The following DLGAP1 variants were observed in gnomAD, a reference collection of about 807,000 sequenced individuals.
DLGAP1 encodes disks large-associated protein 1.
A neutral mutation model predicts 90.8 loss-of-function variants in DLGAP1; 11 were observed. The observed-to-expected ratio is 0.12, with a 90% CI of 0.08 to 0.20. DLGAP1 has a LOEUF of 0.20. Ranked by LOEUF, DLGAP1 falls within the 10% of genes least tolerant of loss-of-function variation. The probability of loss-of-function intolerance (pLI) is 1.00; values close to 1 mark genes in which losing one functional copy is unlikely to be tolerated. For synonymous variants in DLGAP1, 558 were observed against 540.7 expected (o/e 1.03, Z -0.44); for missense variants, 1,050 against 1,333.8 (o/e 0.79, Z 3.31).
chr18:4,189,702 A>G (rs991285080), intron 1 of DLGAP1, among the ~76,000 whole-genome samples: 2 of 152,146 alleles, frequency 1.3e-5, no homozygotes, highest in African/African-American at 4.8e-5. Flanking sequence ...ACACTATCCG[A>G]CTAAAAACGT....
intron 1 of DLGAP1, among the ~76,000 whole-genome samples, chr18:4,228,183 T>G (rs1304787099): frequency 6.6e-6 from 1 of 151,332 alleles, no homozygotes; most frequent in Non-Finnish European, 1.5e-5. Flanking sequence ...AATGGACAAA[T>G]AAGAAGTAAC....
intron 1 of DLGAP1, among the ~76,000 whole-genome samples, chr18:4,225,362 C>T (rs2078163304): frequency 6.6e-6 from 1 of 151,982 alleles, no homozygotes; most frequent in Admixed American, 6.6e-5. Context: ...GTGAAAACTA[C>T]CATAAATACC....
intron 12 of DLGAP1, among the ~76,000 whole-genome samples, chr18:3,500,416 C>T (rs1231268857): frequency 6.6e-6 from 1 of 152,114 alleles, no homozygotes; most frequent in African/African-American, 2.4e-5. Flanking sequence ...TAAAATGAAG[C>T]GTGAACATTA....
chr18:3,989,716 ATT>A (rs2073922061), intron 3 of DLGAP1, among the ~76,000 whole-genome samples: 2 of 152,146 alleles, frequency 1.3e-5, no homozygotes, highest in Non-Finnish European at 2.9e-5. Context: ...ATGGGAGAAA[ATT>A]TTTTAACCTA....
chr18:4,381,109 A>G lies in DLGAP1; in HGVS notation c.-267+73897T>C, dbSNP rs2082106871. ...AACACTATATATTTTATAGTTAACG[A>G]TTCAAAATGGTTGAAATAGAGATGA... On this transcript the variant is annotated intron_variant, in intron 1 of 12. Coordinates refer to ENST00000315677, the MANE Select transcript of DLGAP1 (RefSeq NM_004746.4). Among the ~76,000 whole-genome samples, 5 of 152,310 alleles carry G rather than the reference A, an allele frequency of 3.3e-5. No individual in the cohort carries two copies. In the South Asian group the frequency reaches 6.2e-4, roughly 19 times the overall value.
At position 4,382,292 on chromosome 18, in the gene DLGAP1, T is replaced by C. The variant is rs1033209715; in HGVS notation, c.-267+72714A>G. Among the ~76,000 whole-genome samples, 5 of 152,306 alleles carry C rather than the reference T, an allele frequency of 3.3e-5. No homozygotes were observed. In the East Asian group the frequency reaches 9.6e-4, roughly 29 times the overall value. On this transcript the variant is annotated intron_variant, in intron 1 of 12. Coordinates refer to ENST00000315677, the MANE Select transcript of DLGAP1 (RefSeq NM_004746.4). Reference sequence around the variant, plus strand: ...AATTTCTTCATATATATAACGAGGATAATTGTAAGAGTTACCTTGCAGCAT... The same window carrying C: ...AATTTCTTCATATATATAACGAGGACAATTGTAAGAGTTACCTTGCAGCAT...
chr18:3,791,847 G>A (rs1043216509), intron 5 of DLGAP1, among the ~76,000 whole-genome samples: 6 of 152,144 alleles, frequency 3.9e-5, no homozygotes, highest in African/African-American at 1.4e-4. Context: ...AGGAGGTTGA[G>A]GCTGCAGTGA....
intron 9 of DLGAP1, among the ~76,000 whole-genome samples, chr18:3,553,986 G>T (rs1415861612): frequency 6.6e-6 from 1 of 152,128 alleles, no homozygotes; most frequent in Admixed American, 6.5e-5. Context: ...TGGAGTCTTA[G>T]AGTCACTAAT....
chr18:4,275,333 A>C (rs2079385586), intron 1 of DLGAP1: 1 of 151,866 alleles, frequency 6.6e-6, no homozygotes, highest in Admixed American at 6.6e-5. Context: ...CTCGTGGTGA[A>C]TTCCCTCATT....
At chr18:3,962,876 T>G (rs2073232800) in intron 3 of DLGAP1, among the ~76,000 whole-genome samples, 1 of 152,228 alleles carries the variant, frequency 6.6e-6, no homozygotes. Flanking sequence ...TTGCTTTTTT[T>G]TCTGTTGACA....
At chr18:3,648,843 G>A (rs1185932906) in intron 7 of DLGAP1, among the ~76,000 whole-genome samples, 3 of 152,312 alleles carry the variant, frequency 2.0e-5, no homozygotes, top group South Asian at 2.1e-4. Flanking sequence ...GCAGATTATC[G>A]TTTGCAGCTT....
intron 5 of DLGAP1, among the ~76,000 whole-genome samples, chr18:3,750,805 C>T (rs1424675708): frequency 6.6e-6 from 1 of 152,204 alleles, no homozygotes; most frequent in African/African-American, 2.4e-5. Flanking sequence ...TTTGCACACA[C>T]TGTTTCTATG....
intron 7 of DLGAP1, among the ~76,000 whole-genome samples, chr18:3,685,129 TA>T (rs1205310152): frequency 9.2e-5 from 14 of 152,224 alleles, no homozygotes; most frequent in Non-Finnish European, 1.9e-4. Flanking sequence ...TGATTTTAGT[TA>T]TTGCCTTAAT....
At chr18:3,535,949 C>T (rs1055163303) in intron 9 of DLGAP1, among the ~76,000 whole-genome samples, 3 of 151,864 alleles carry the variant, frequency 2.0e-5, no homozygotes, top group Non-Finnish European at 4.4e-5. Flanking sequence ...GCAGGAGAAT[C>T]GCTTGAATCC....
intron 3 of DLGAP1, among the ~76,000 whole-genome samples, chr18:3,988,116 G>A (rs900227585): frequency 6.6e-6 from 1 of 151,798 alleles, no homozygotes; most frequent in African/African-American, 2.4e-5. Context: ...TCCCATCTGG[G>A]GGTGATGGGA....
intron 1 of DLGAP1, among the ~76,000 whole-genome samples, chr18:4,239,937 A>G (rs1223925826): frequency 6.6e-6 from 1 of 152,138 alleles, no homozygotes; most frequent in Non-Finnish European, 1.5e-5. Flanking sequence ...TTTCCTCCCC[A>G]TATCTTTTAT....
intron 1 of DLGAP1, among the ~76,000 whole-genome samples, chr18:4,153,772 C>T (rs554914246): frequency 6.6e-6 from 1 of 152,138 alleles, no homozygotes; most frequent in African/African-American, 2.4e-5. Context: ...TTGGGAGTTG[C>T]CTGCTGAGTC....
chr18:3,516,098 A>G (rs1599014355), intron 10 of DLGAP1, among the ~76,000 whole-genome samples: 1 of 152,310 alleles, frequency 6.6e-6, no homozygotes, highest in Non-Finnish European at 1.5e-5. Context: ...CCCCTCAGTC[A>G]TCCACGAAGG....
chr18:4,199,244 T>A (rs1283475979), intron 1 of DLGAP1, among the ~76,000 whole-genome samples: 2 of 152,230 alleles, frequency 1.3e-5, no homozygotes, highest in African/African-American at 4.8e-5. Flanking sequence ...TCATGCTGGT[T>A]GTAAACATCT....
Sources: gnomAD v4.1 joint callset for allele counts (sites outside exome capture counted in the v4.1 genomes callset) on GRCh38, gnomAD v4.1.1 for gene constraint, MANE v1.5 for transcripts, NCBI Gene and HGNC (gene_info 2026-07-23, HGNC 2026-07-21) for gene names.